Variants in PTPRN2 observed in about 807,000 individuals in gnomAD.
PTPRN2 encodes protein tyrosine phosphatase receptor type N2.
In PTPRN2, 74 loss-of-function variants were observed where a neutral mutation model predicts 118.8. The observed-to-expected ratio is 0.62, with a 90% CI of 0.52 to 0.76. PTPRN2 has a LOEUF of 0.76. Ranked by LOEUF, PTPRN2 falls within the 30% of genes least tolerant of loss-of-function variation. The probability of loss-of-function intolerance (pLI) is 0.00; values close to 1 mark genes in which losing one functional copy is unlikely to be tolerated. For synonymous variants in PTPRN2, 641 were observed against 608.0 expected, an observed-to-expected ratio of 1.05 and a Z score of -0.80; for missense variants, 1,481 against 1,394.4, an observed-to-expected ratio of 1.06 and a Z score of -0.99.
chr7:158,142,831 C>A (rs565285935), intron 6 of PTPRN2, among the ~76,000 whole-genome samples: 1 of 152,358 alleles, frequency 6.6e-6, no homozygotes, highest in African/African-American at 2.4e-5. Flanking sequence ...TGGACAGTCC[C>A]AGGTCAACGG....
rs1300815545 is a variant in PTPRN2, at chr7:158,015,311, T to C, written c.1723+65987A>G. ...CCTTTAGTTCCCTCTTCCCCACTTG[T>C]TCTCTGATTGTTCATTTTGTTTTTA... On this transcript the variant is annotated intron_variant, in intron 11 of 22. Coordinates refer to ENST00000389418, the MANE Select transcript of PTPRN2 (RefSeq NM_002847.5). The surrounding 1 kb of genome is among the most constrained non-coding windows in gnomAD (Gnocchi z 4.2). 6.6e-6 allele frequency among the ~76,000 whole-genome samples: 1 copy of C among 152,244 alleles called. No homozygotes were observed. Among genetic ancestry groups the C allele is most frequent in the Non-Finnish European group, 1.5e-5 (1 of 68,042 alleles).
At chr7:158,135,829 G>A (rs1312960419) in intron 8 of PTPRN2, among the ~76,000 whole-genome samples, 4 of 152,346 alleles carry the variant, frequency 2.6e-5, no homozygotes, top group African/African-American at 7.2e-5. Context: ...AAGAGAATCT[G>A]AGGAGAGAAT....
chr7:158,286,474 G>A (rs1799778835), intron 3 of PTPRN2, among the ~76,000 whole-genome samples: 1 of 152,186 alleles, frequency 6.6e-6, no homozygotes, highest in Non-Finnish European at 1.5e-5. Flanking sequence ...TGCGTATGAT[G>A]TTATCTGTGA....
intron 2 of PTPRN2, among the ~76,000 whole-genome samples, chr7:158,422,251 G>A (rs1453948751): frequency 3.3e-5 from 5 of 152,152 alleles, no homozygotes; most frequent in African/African-American, 1.2e-4. Flanking sequence ...GCAAATCCTA[G>A]GTAGGTTCTT....
intron 2 of PTPRN2, among the ~76,000 whole-genome samples, chr7:158,484,664 T>C (rs1260920188): frequency 6.6e-6 from 1 of 152,214 alleles, no homozygotes; most frequent in Non-Finnish European, 1.5e-5. Flanking sequence ...CCTGGCCTCC[T>C]GGACATTTTG....
intron 12 of PTPRN2, among the ~76,000 whole-genome samples, chr7:157,833,402 C>T (rs1198345763): frequency 1.4e-4 from 19 of 132,270 alleles, no homozygotes; most frequent in African/African-American, 2.3e-4. Context: ...ACGTGGGGGG[C>T]GCCCATCCAT....
intron 2 of PTPRN2, among the ~76,000 whole-genome samples, chr7:158,418,450 G>A (rs7796019): frequency 0.42 from 59,095 of 140,628 alleles, 13,207 homozygotes; most frequent in Non-Finnish European, 0.48. Context: ...AGCTCTCAGT[G>A]TCCCGCTGTG....
chr7:157,912,647 T>C (rs138991034), intron 11 of PTPRN2, among the ~76,000 whole-genome samples: 57 of 152,352 alleles, frequency 3.7e-4, no homozygotes, highest in African/African-American at 1.3e-3. Flanking sequence ...CCTTCACATG[T>C]AAGTCTGATA....
rs370436091 is a variant in PTPRN2, at chr7:157,987,739, C to A, written c.1724-89002G>T. The stretch of plus-strand genomic sequence containing the variant: ...TTATGCAGTGTGGGATCCACAGTTA[C>A]AGAGCGGATGGGGGACTAAGAACAT... On this transcript the variant is annotated intron_variant, in intron 11 of 22. Transcript: ENST00000389418. This position sits in a 1 kb window ranked among gnomAD's most constrained non-coding sequence, Gnocchi z 4.3. Among the ~76,000 whole-genome samples the A allele has an allele frequency of 6.6e-6, 1 of 152,284 alleles. No homozygotes were observed. Among genetic ancestry groups the A allele is most frequent in the East Asian group, 1.9e-4 (1 of 5,174 alleles).
chr7:158,333,383 A>T (rs780561470), intron 2 of PTPRN2, among the ~76,000 whole-genome samples: 1 of 136,416 alleles, frequency 7.3e-6, no homozygotes, highest in South Asian at 2.2e-4. Flanking sequence ...CTCGCACCAT[A>T]AGAGGTGACA....
intron 11 of PTPRN2, among the ~76,000 whole-genome samples, chr7:157,924,729 C>T (rs1375669842): frequency 6.6e-6 from 1 of 152,268 alleles, no homozygotes; most frequent in Non-Finnish European, 1.5e-5. Context: ...TGGCACGGTA[C>T]CCTCTGCTCA....
rs190676873 is a variant in PTPRN2, at chr7:157,734,618, G to A, written c.1789-51681C>T. 8.7e-4 allele frequency among the ~76,000 whole-genome samples: 132 copies of A among 152,304 alleles called. 3 individuals are homozygous for A. Among genetic ancestry groups the A allele is most frequent in the South Asian group, 5.2e-3 (25 of 4,824 alleles). ...CCAGTGACTAAATGGTGATTCAGCCGAGACGCCCCAAATAAACAGTCTCTA... is the reference window on the plus strand; with the variant it reads ...CCAGTGACTAAATGGTGATTCAGCCAAGACGCCCCAAATAAACAGTCTCTA... On this transcript the variant is annotated intron_variant, in intron 12 of 22. Transcript: ENST00000389418.
chr7:158,229,042 C>A (rs1829001416), intron 3 of PTPRN2, among the ~76,000 whole-genome samples: 2 of 152,206 alleles, frequency 1.3e-5, no homozygotes, highest in Non-Finnish European at 1.5e-5. Context: ...AGGCCCCAGC[C>A]AGCCTTCTCA....
At chr7:158,117,096 AG>A (rs1265787981) in intron 9 of PTPRN2, among the ~76,000 whole-genome samples, 1 of 152,186 alleles carries the variant, frequency 6.6e-6, no homozygotes, top group East Asian at 1.9e-4. Context: ...CTCTAAAAAA[AG>A]ACCTGATGGC....
At chr7:158,100,920 A>T (rs1264421066) in intron 10 of PTPRN2, among the ~76,000 whole-genome samples, 1 of 152,226 alleles carries the variant, frequency 6.6e-6, no homozygotes. Context: ...GATGGGTAGA[A>T]TCAATATTGT....
intron 4 of PTPRN2, 42 bp downstream of exon 4, chr7:158,205,129 G>C (rs752099385): frequency 1.4e-6 from 2 of 1,454,492 alleles, no homozygotes; most frequent in Non-Finnish European, 1.9e-6. Context: ...GCTATGGACT[G>C]TGTCCTGGGA....
At chr7:157,589,986 A>C (rs1220079568) in intron 17 of PTPRN2, among the ~76,000 whole-genome samples, 1 of 151,728 alleles carries the variant, frequency 6.6e-6, no homozygotes, top group Non-Finnish European at 1.5e-5. Context: ...TTTCCACCAA[A>C]CTCTCTGGCT....
intron 2 of PTPRN2, among the ~76,000 whole-genome samples, chr7:158,468,767 C>T (rs1819562922): frequency 1.3e-5 from 2 of 151,546 alleles, no homozygotes; most frequent in Admixed American, 1.3e-4. Flanking sequence ...GGCATGCACA[C>T]CCCCCACCCA....
intron 11 of PTPRN2, among the ~76,000 whole-genome samples, chr7:157,968,993 G>A (rs1013676516): frequency 1.3e-5 from 2 of 152,168 alleles, no homozygotes; most frequent in Non-Finnish European, 2.9e-5. Flanking sequence ...TAGCCACAAA[G>A]GAATTTCCTT....
Sources: gnomAD v4.1 joint callset for allele counts (sites outside exome capture counted in the v4.1 genomes callset) on GRCh38, gnomAD v4.1.1 for gene constraint, Gnocchi (gnomAD v3.1) non-coding constraint, MANE v1.5 for transcripts, NCBI Gene and HGNC (gene_info 2026-07-23, HGNC 2026-07-21) for gene names.